Variants in RECQL observed in about 807,000 individuals in gnomAD.
The protein encoded by RECQL is RecQ like helicase.
A neutral mutation model predicts 75.8 loss-of-function variants in RECQL; 73 were observed. The observed-to-expected ratio is 0.96, with a 90% CI of 0.80 to 1.17. RECQL has a LOEUF of 1.17. Among genes scored for constraint, RECQL ranks in the 50% most tolerant of loss-of-function variants. RECQL has a pLI of 0.00. For missense variants in RECQL, 699 were observed against 772.1 expected (o/e 0.91, Z 1.12); for synonymous variants, 248 against 254.4 (o/e 0.97, Z 0.24).
chr12:21,473,166 C>T (rs973845954), intron 12 of RECQL, among the ~76,000 whole-genome samples: 11 of 152,060 alleles, frequency 7.2e-5, no homozygotes, highest in South Asian at 2.1e-4. Context: ...ATATTTTGGT[C>T]GGTGATGGAC....
rs1796830574 is a variant in RECQL at position 21,475,741 on chromosome 12, G to A, written c.1033C>T (p.His345Tyr). The A allele has an allele frequency of 3.7e-6, 6 of 1,613,408 alleles. No individual in the cohort carries two copies. Among genetic ancestry groups the A allele is most frequent in the Non-Finnish European group, 5.1e-6 (6 of 1,179,536 alleles). The change falls in exon 9 of 15, where the codon CAT (histidine) becomes TAT (tyrosine). Residue 345 changes from histidine to tyrosine, a missense_variant. Physicochemically the swap from His to Tyr is moderately conservative, Grantham distance 83 (BLOSUM62 2). Around this residue, in one of 2 missense-constraint regions of RECQL, gnomAD observed 669 missense variants for 713.5 expected, o/e 0.94. Transcript: ENST00000444129. ...QNLGIHAGAY[H>Y]ANLEPEDKTT... Reference sequence around the variant, plus strand: ...TTATCTTCTGGCTCCAAATTGGCATGGTAAGCACCTGCATGAATTCCCAGA... The same window carrying A: ...TTATCTTCTGGCTCCAAATTGGCATAGTAAGCACCTGCATGAATTCCCAGA...
intron 5 of RECQL, among the ~76,000 whole-genome samples, chr12:21,485,424 A>AC (rs1943274511): frequency 6.6e-6 from 1 of 151,962 alleles, no homozygotes; most frequent in African/African-American, 2.4e-5. Context: ...AAGATACAGG[A>AC]CAGTTAACCC....
intron 2 of RECQL, among the ~76,000 whole-genome samples, chr12:21,498,088 C>T (rs1943540978): frequency 6.6e-6 from 1 of 152,216 alleles, no homozygotes; most frequent in Non-Finnish European, 1.5e-5. Context: ...CACCAAATTA[C>T]TTCTGACCAA....
intron 5 of RECQL, among the ~76,000 whole-genome samples, chr12:21,485,015 A>G (rs546912264): frequency 2.6e-5 from 4 of 152,124 alleles, no homozygotes; most frequent in East Asian, 3.9e-4. Flanking sequence ...ACAGAATTAG[A>G]TATCACCATT....
chr12:21,481,983 TG>T (rs1316420350), intron 6 of RECQL, among the ~76,000 whole-genome samples: 2 of 150,498 alleles, frequency 1.3e-5, no homozygotes, highest in East Asian at 3.9e-4. Flanking sequence ...AGTAGTATGG[TG>T]GTGGCAGAAG....
rs1943607496 is a variant in RECQL at position 21,501,180 on chromosome 12, C to T, written c.-56G>A. Reference sequence around the variant, plus strand: ...CCCAGTAGTATTTACCAACAAATGGCAGCTGCTAATAAACAGGCTTTGGTG... The same window carrying T: ...CCCAGTAGTATTTACCAACAAATGGTAGCTGCTAATAAACAGGCTTTGGTG... On this transcript the variant is annotated 5_prime_UTR_variant, in exon 1 of 15. Transcript: ENST00000444129. 1 of 152,176 alleles carries T rather than the reference C, an allele frequency of 6.6e-6. No homozygotes were observed. Among genetic ancestry groups the T allele is most frequent in the African/African-American group, 2.4e-5 (1 of 41,440 alleles). The allele number at this position is 152,176 out of a possible 1,614,324, so 9.4% of individuals were successfully genotyped here. A position where few individuals can be genotyped will look rare whatever the true frequency, so the allele number is the denominator to read the frequency against.
At chr12:21,497,133 G>A (rs1943523136) in intron 2 of RECQL, among the ~76,000 whole-genome samples, 1 of 152,148 alleles carries the variant, frequency 6.6e-6, no homozygotes, top group Admixed American at 6.5e-5. Flanking sequence ...TCAACCAGGT[G>A]TCATCCGACC....
Position 21,475,732 on chromosome 12 carries a change from A to G in RECQL, c.1042T>C (p.Leu348=), listed in dbSNP as rs1591973878. The change falls in exon 9 of 15, where the codon TTG becomes CTG. Residue 348 remains leucine, a synonymous_variant. Transcript: ENST00000444129. ...GIHAGAYHAN[L]EPEDKTTVHR... is the part of the protein sequence containing the mutation. ...ACTGTGGTCTTATCTTCTGGCTCCA[A>G]ATTGGCATGGTAAGCACCTGCATGA... The G allele has an allele frequency of 6.2e-7, 1 of 1,613,520 alleles. No individual in the cohort carries two copies. The highest frequency in any genetic ancestry group is 8.5e-7 in the Non-Finnish European group (1 of 1,179,572).
At chr12:21,487,946 A>T (rs924189630) in intron 4 of RECQL, among the ~76,000 whole-genome samples, 1 of 152,322 alleles carries the variant, frequency 6.6e-6, no homozygotes. Flanking sequence ...TTGTTTGTTA[A>T]TTAACTGATA....
intron 6 of RECQL, among the ~76,000 whole-genome samples, chr12:21,480,995 G>A (rs868113797): frequency 6.6e-6 from 1 of 151,968 alleles, no homozygotes; most frequent in South Asian, 2.1e-4. Flanking sequence ...TATCTATTTA[G>A]CTACTTTTTA....
intron 2 of RECQL, among the ~76,000 whole-genome samples, chr12:21,492,299 G>A (rs7310464): frequency 0.16 from 24,157 of 152,130 alleles, 2,281 homozygotes; most frequent in Middle Eastern, 0.29. Context: ...TATCTCCTTT[G>A]TAACTAATCT....
intron 4 of RECQL, among the ~76,000 whole-genome samples, chr12:21,489,675 T>C (rs1427026897): frequency 6.6e-6 from 1 of 152,240 alleles, no homozygotes; most frequent in Non-Finnish European, 1.5e-5. Flanking sequence ...ACAACATTTT[T>C]GGGTTTTTTT....
intron 5 of RECQL, 144 bp from the exon 6 acceptor site, chr12:21,483,718 T>C: frequency 3.2e-6 from 2 of 620,156 alleles, no homozygotes; most frequent in Non-Finnish European, 5.4e-6. Context: ...TCATTAAAAC[T>C]GAAACCATGT....
chr12:21,482,151 G>C (rs1565568465), intron 6 of RECQL, among the ~76,000 whole-genome samples: 2 of 152,014 alleles, frequency 1.3e-5, no homozygotes, highest in Non-Finnish European at 2.9e-5. Flanking sequence ...AAAAGAGCCT[G>C]AAGGTGAAGG....
chr12:21,477,734 TA>T, intron 7 of RECQL, 68 bp downstream of exon 7: 1 of 1,306,208 alleles, frequency 7.7e-7, no homozygotes, highest in Non-Finnish European at 1.0e-6. Context: ...TAAATAAACA[TA>T]ATAAAAAGGC....
chr12:21,474,982 G>A lies in RECQL; in HGVS notation c.1217-3C>T, dbSNP rs367971541. 28 of 1,610,114 alleles carry A rather than the reference G, an allele frequency of 1.7e-5. No individual in the cohort carries two copies. In the East Asian group the frequency reaches 5.4e-4, roughly 31 times the overall value. On this transcript the variant is annotated splice_polypyrimidine_tract_variant and splice_region_variant and intron_variant, in intron 10 of 14. Coordinates refer to ENST00000444129, the MANE Select transcript of RECQL (RefSeq NM_002907.4). Reference sequence around the variant, plus strand: ...GTCTGCTTTCATGTCATCTCGACCTGTGGTGTGAGAAACCTTGAGATTGCA... The same window carrying A: ...GTCTGCTTTCATGTCATCTCGACCTATGGTGTGAGAAACCTTGAGATTGCA...
chr12:21,499,417 G>T, intron 2 of RECQL, 138 bp downstream of exon 2: 1 of 736,966 alleles, frequency 1.4e-6, no homozygotes, highest in Non-Finnish European at 2.2e-6. Context: ...GGCAAAGTTT[G>T]TAATGTGTAT....
Position 21,471,469 on chromosome 12 carries a change from C to T in RECQL, c.1626G>A (p.Leu542=), listed in dbSNP as rs1942961512. 6.2e-7 allele frequency: 1 copy of T among 1,612,926 alleles called. No homozygotes were observed. Among genetic ancestry groups the T allele is most frequent in the Admixed American group, 1.7e-5 (1 of 59,872 alleles). Residue 542 remains leucine (L), a synonymous_variant, in exon 13 of 15, where the codon CTG becomes CTA. Coordinates refer to ENST00000444129, the MANE Select transcript of RECQL (RefSeq NM_002907.4). ...VVAPTLPRED[L]EKIIAHFLIQ... is the part of the protein sequence containing the mutation. The stretch of plus-strand genomic sequence containing the variant: ...TTAGAAAGTGTGCAATAATCTTCTC[C>T]AGATCTTCACGAGGAAGTGTGGGAG...
chr12:21,490,418 C>A (rs749307350), intron 3 of RECQL, 40 bp from the exon 4 acceptor site: 7 of 1,348,224 alleles, frequency 5.2e-6, no homozygotes, highest in Admixed American at 1.8e-5. Context: ...ACATGTAAGA[C>A]TATTATAGAA....
Sources: gnomAD v4.1 joint callset for allele counts (sites outside exome capture counted in the v4.1 genomes callset) on GRCh38, gnomAD v4.1.1 for gene constraint, gnomAD v4.1.1 regional missense constraint, MANE v1.5 for transcripts, NCBI Gene and HGNC (gene_info 2026-07-23, HGNC 2026-07-21) for gene names.